SGCD: variants seen among roughly 807,000 people sequenced by gnomAD.
SGCD encodes delta-sarcoglycan.
SGCD carries 18 observed loss-of-function variants against 36.6 expected under a neutral mutation model. The ratio of observed to expected loss-of-function variants is 0.49; its 90% confidence interval spans 0.34 to 0.73. SGCD has a LOEUF of 0.73. SGCD is among the 30% of genes least tolerant of loss of function. The pLI, the probability that SGCD is intolerant of heterozygous loss-of-function variation, is 0.01. For missense variants in SGCD, 387 were observed against 346.7 expected (o/e 1.12, Z -0.92); for synonymous variants, 133 against 130.6 (o/e 1.02, Z -0.12).
At chr5:156,595,517 T>C (rs1760891433) in intron 6 of SGCD, among the ~76,000 whole-genome samples, 1 of 152,216 alleles carries the variant, frequency 6.6e-6, no homozygotes, top group African/African-American at 2.4e-5. Flanking sequence ...CTGGATTCTT[T>C]TAAAGCAAGG....
intron 1 of SGCD, among the ~76,000 whole-genome samples, chr5:155,899,916 A>G (rs1162383123): frequency 1.3e-5 from 2 of 152,214 alleles, no homozygotes; most frequent in Non-Finnish European, 2.9e-5. Flanking sequence ...AAAAGTCCTA[A>G]TGAGAAAACA....
chr5:155,944,923 A>AG (rs1757407709), intron 1 of SGCD, among the ~76,000 whole-genome samples: 1 of 152,124 alleles, frequency 6.6e-6, no homozygotes, highest in East Asian at 1.9e-4. Context: ...AAAAAAAATA[A>AG]TAATAATAAG....
At chr5:155,957,974 T>C (rs1757701539) in intron 1 of SGCD, among the ~76,000 whole-genome samples, 1 of 152,070 alleles carries the variant, frequency 6.6e-6, no homozygotes, top group African/African-American at 2.4e-5. Flanking sequence ...TGGAAGTTCT[T>C]TTCTGATTAC....
At chr5:156,010,859 AC>A (rs1337410120) in intron 1 of SGCD, among the ~76,000 whole-genome samples, 1 of 152,196 alleles carries the variant, frequency 6.6e-6, no homozygotes, top group Admixed American at 6.5e-5. Flanking sequence ...TCACACTTTT[AC>A]CTACTACTCA....
the SGCD span, among the ~76,000 whole-genome samples, chr5:155,831,095 AT>A: frequency 6.6e-6 from 1 of 152,170 alleles, no homozygotes; most frequent in African/African-American, 2.4e-5. Flanking sequence ...TGGTTAGATA[AT>A]TTACTCAAAG....
At chr5:156,545,396 C>T (rs1758530858) in intron 4 of SGCD, among the ~76,000 whole-genome samples, 1 of 151,970 alleles carries the variant, frequency 6.6e-6, no homozygotes. Flanking sequence ...TCAGTTTTGT[C>T]ATCTAGCACA....
intron 2 of SGCD, among the ~76,000 whole-genome samples, chr5:156,332,260 A>G (rs4705005): frequency 0.43 from 65,330 of 152,090 alleles, 14,406 homozygotes; most frequent in East Asian, 0.79. Context: ...TTGGTTCACA[A>G]AGTGTTTTTT....
chr5:156,567,719 T>C (rs1317328402), intron 4 of SGCD, among the ~76,000 whole-genome samples: 1 of 152,210 alleles, frequency 6.6e-6, no homozygotes, highest in African/African-American at 2.4e-5. Context: ...CTCAGAATAG[T>C]TAAGTGATTT....
chr5:155,934,188 A>T (rs532623560), intron 1 of SGCD, among the ~76,000 whole-genome samples: 1 of 152,326 alleles, frequency 6.6e-6, no homozygotes, highest in African/African-American at 2.4e-5. Context: ...CATGGTAGAG[A>T]ATGTTGCCAG....
At chr5:155,979,122 C>G (rs117756927) in intron 1 of SGCD, among the ~76,000 whole-genome samples, 7 of 152,162 alleles carry the variant, frequency 4.6e-5, no homozygotes, top group Non-Finnish European at 1.0e-4. Flanking sequence ...CAGACTCTCC[C>G]AGGATTTTAA....
chr5:156,650,863 C>T (rs999203210), intron 7 of SGCD, among the ~76,000 whole-genome samples: 3 of 152,076 alleles, frequency 2.0e-5, no homozygotes, highest in Non-Finnish European at 4.4e-5. Context: ...TGGGATTGCT[C>T]GGTCAGTTAG....
intron 3 of SGCD, among the ~76,000 whole-genome samples, chr5:156,159,088 C>T (rs1763028167): frequency 6.6e-6 from 1 of 151,504 alleles, no homozygotes; most frequent in Non-Finnish European, 1.5e-5. Context: ...CGTATGTGAC[C>T]AGCACTCTGA....
At chr5:156,157,093 TA>T in intron 3 of SGCD, among the ~76,000 whole-genome samples, 1 of 151,790 alleles carries the variant, frequency 6.6e-6, no homozygotes, top group East Asian at 1.9e-4. Context: ...TCACACTTGT[TA>T]AAGACAGGAT....
intron 3 of SGCD, among the ~76,000 whole-genome samples, chr5:156,210,548 A>T (rs942931089): frequency 2.6e-5 from 4 of 152,134 alleles, no homozygotes; most frequent in African/African-American, 9.7e-5. Flanking sequence ...GAATATACAG[A>T]GAAACAGTTT....
chr5:156,071,215 G>C lies in SGCD; in HGVS notation c.-281-46663G>C, dbSNP rs542982552. On this transcript the variant is annotated intron_variant, in intron 1 of 9. Transcript: ENST00000517913. ...TCTTGCTTTTCTAGTTCTCTTAATTGTGATGTTAGGGTGTCAATTTTGGAT... is the reference window on the plus strand; with the variant it reads ...TCTTGCTTTTCTAGTTCTCTTAATTCTGATGTTAGGGTGTCAATTTTGGAT... 5.8e-4 allele frequency among the ~76,000 whole-genome samples: 89 copies of C among 152,186 alleles called. 1 individual carries two copies. The highest frequency in any genetic ancestry group is 2.1e-3 in the African/African-American group (86 of 41,504).
chr5:155,766,249 ACT>A, the SGCD span, among the ~76,000 whole-genome samples: 1 of 152,072 alleles, frequency 6.6e-6, no homozygotes, highest in Non-Finnish European at 1.5e-5. Flanking sequence ...CATCCCTCTT[ACT>A]CTCCATGCTT....
chr5:155,796,338 C>T, the SGCD span, among the ~76,000 whole-genome samples: 1 of 152,090 alleles, frequency 6.6e-6, no homozygotes, highest in African/African-American at 2.4e-5. Context: ...TTATACCTCA[C>T]ACTCTAAATA....
chr5:156,548,326 T>G (rs977455301), intron 4 of SGCD, among the ~76,000 whole-genome samples: 1 of 152,196 alleles, frequency 6.6e-6, no homozygotes, highest in Non-Finnish European at 1.5e-5. Flanking sequence ...TGAAATATGG[T>G]GAGTTCAGTA....
intron 1 of SGCD, among the ~76,000 whole-genome samples, chr5:155,990,996 C>T (rs13171665): frequency 0.22 from 33,519 of 152,056 alleles, 4,539 homozygotes; most frequent in South Asian, 0.37. Context: ...GTAAAACCTT[C>T]AGGGTTTATG....
Sources: gnomAD v4.1 joint callset for allele counts (sites outside exome capture counted in the v4.1 genomes callset) on GRCh38, gnomAD v4.1.1 for gene constraint, MANE v1.5 for transcripts, NCBI Gene and HGNC (gene_info 2026-07-23, HGNC 2026-07-21) for gene names.